Variants in PARD3 observed in about 807,000 individuals in gnomAD.
PARD3 encodes the protein par-3 family cell polarity regulator, also known as partitioning defective 3 homolog.
In PARD3, 75 loss-of-function variants were observed where a neutral mutation model predicts 155.4. The observed-to-expected ratio is 0.48, with a 90% CI of 0.40 to 0.58. PARD3 has a LOEUF of 0.58. PARD3 is among the 20% of genes least tolerant of loss of function. PARD3 has a pLI of 0.00. For synonymous variants in PARD3, 576 were observed against 610.5 expected, an observed-to-expected ratio of 0.94 and a Z score of 0.83; for missense variants, 1,642 against 1,721.7, an observed-to-expected ratio of 0.95 and a Z score of 0.82.
chr10:34,795,840 G>A (rs929455067), intron 1 of PARD3, among the ~76,000 whole-genome samples: 1 of 152,052 alleles, frequency 6.6e-6, no homozygotes, highest in African/African-American at 2.4e-5. Context: ...GTTGTAGTGA[G>A]CTGAGATCGT....
At chr10:34,786,312 C>T (rs947244080) in intron 1 of PARD3, among the ~76,000 whole-genome samples, 2 of 152,202 alleles carry the variant, frequency 1.3e-5, no homozygotes, top group African/African-American at 4.8e-5. Flanking sequence ...AATGACTCTT[C>T]CTATCAAGTA....
chr10:34,559,776 A>C (rs7897763), intron 2 of PARD3, among the ~76,000 whole-genome samples: 6,426 of 152,210 alleles, frequency 0.042, 394 homozygotes, highest in African/African-American at 0.14. Context: ...ATATAATTTG[A>C]CCTTACCTAC....
rs368509578 is a variant in PARD3, at chr10:34,721,034, T to C, written c.121-24615A>G. Among the ~76,000 whole-genome samples, 4 of 152,270 alleles carry C rather than the reference T, an allele frequency of 2.6e-5. No individual in the cohort carries two copies. In the East Asian group the frequency reaches 5.8e-4, roughly 22 times the overall value. ...GATTAGAGGATACTTGGCAGAACAATGAGCTGCATTATTCCAGAAAGGCAA... is the reference window on the plus strand; with the variant it reads ...GATTAGAGGATACTTGGCAGAACAACGAGCTGCATTATTCCAGAAAGGCAA... On this transcript the variant is annotated intron_variant, in intron 1 of 24. Transcript: ENST00000374788.
chr10:34,753,071 G>A (rs939848077), intron 1 of PARD3, among the ~76,000 whole-genome samples: 1 of 152,198 alleles, frequency 6.6e-6, no homozygotes, highest in African/African-American at 2.4e-5. Flanking sequence ...AGTCATCTCA[G>A]CCTGTTGTTT....
At chr10:34,269,126 C>G (rs1955488054) in intron 22 of PARD3, among the ~76,000 whole-genome samples, 1 of 152,110 alleles carries the variant, frequency 6.6e-6, no homozygotes, top group Admixed American at 6.6e-5. Flanking sequence ...GTGTGCTACA[C>G]TGATATACAT....
intron 1 of PARD3, among the ~76,000 whole-genome samples, chr10:34,756,475 TA>T (rs1836756361): frequency 7.2e-5 from 6 of 83,768 alleles, no homozygotes; most frequent in Admixed American, 2.8e-4. Context: ...TTTTTTTTCT[TA>T]TAAAAAAAAA....
chr10:34,369,299 GATTTATTT>G (rs762236370), intron 12 of PARD3, among the ~76,000 whole-genome samples: 1 of 134,756 alleles, frequency 7.4e-6, no homozygotes, highest in Non-Finnish European at 1.5e-5. Context: ...AGATTTTTGT[GATTTATTT>G]ATTTATTTGT....
chr10:34,596,208 A>C (rs1246592263), intron 2 of PARD3, among the ~76,000 whole-genome samples: 1 of 151,766 alleles, frequency 6.6e-6, no homozygotes, highest in Non-Finnish European at 1.5e-5. Context: ...CAAGTTTGTA[A>C]GCAATATCCA....
At chr10:34,663,109 T>A (rs1255486434) in intron 2 of PARD3, among the ~76,000 whole-genome samples, 2 of 152,044 alleles carry the variant, frequency 1.3e-5, no homozygotes, top group Non-Finnish European at 2.9e-5. Flanking sequence ...GAATAAGAAC[T>A]AATATTTCCT....
intron 2 of PARD3, among the ~76,000 whole-genome samples, chr10:34,654,125 ATGGGGACTAG>A (rs2093097561): frequency 6.6e-6 from 1 of 151,998 alleles, no homozygotes; most frequent in African/African-American, 2.4e-5. Context: ...CATGGTTCTA[ATGGGGACTAG>A]GTGTAGATAA....
At chr10:34,422,323 TA>T (rs2075357331) in intron 5 of PARD3, among the ~76,000 whole-genome samples, 1 of 152,070 alleles carries the variant, frequency 6.6e-6, no homozygotes, top group Non-Finnish European at 1.5e-5. Context: ...TGTTTAAGAA[TA>T]ACGTATATAA....
chr10:34,592,304 C>T (rs2088780956), intron 2 of PARD3, among the ~76,000 whole-genome samples: 1 of 152,190 alleles, frequency 6.6e-6, no homozygotes. Context: ...CTTTAAATCA[C>T]CTGGGACACT....
In PARD3 at chr10:34,384,135, A is replaced by G; in HGVS notation, c.1010T>C (p.Phe337Ser). The change falls in exon 8 of 25, where the codon TTT becomes TCT. Residue 337 changes from phenylalanine (F) to serine (S), a missense_variant. Transcript: ENST00000374788. ...INDGDLRNRRFEQAQHMFRQA... is the reference protein window; with the variant it reads ...INDGDLRNRRSEQAQHMFRQA... ...GCAGCGAGCACACACTTACTGTTCAAATCTTCTATTTCGAAGGTCGCCATC... is the reference window on the plus strand; with the variant it reads ...GCAGCGAGCACACACTTACTGTTCAGATCTTCTATTTCGAAGGTCGCCATC... 6.2e-7 allele frequency: 1 copy of G among 1,613,730 alleles called. No individual in the cohort carries two copies. Among genetic ancestry groups the G allele is most frequent in the Non-Finnish European group, 8.5e-7 (1 of 1,179,930 alleles).
At chr10:34,519,146 G>A (rs945676117) in intron 2 of PARD3, among the ~76,000 whole-genome samples, 4 of 152,162 alleles carry the variant, frequency 2.6e-5, no homozygotes, top group African/African-American at 7.2e-5. Context: ...CAAGGAGAAC[G>A]AGGAAATTGT....
chr10:34,481,650 T>C (rs774001), intron 3 of PARD3, among the ~76,000 whole-genome samples: 78,287 of 152,002 alleles, frequency 0.52, 23,774 homozygotes, highest in African/African-American at 0.86. Context: ...TTTGGTGTCC[T>C]TATTTTGCTA....
intron 2 of PARD3, among the ~76,000 whole-genome samples, chr10:34,611,807 C>CTTTTTTTTTTTTT (rs397829689): frequency 9.2e-6 from 1 of 109,236 alleles, no homozygotes. Flanking sequence ...ACATTTCTTT[C>CTTTTTTTTTTTTT]TTTTTTTTTT....
intron 22 of PARD3, among the ~76,000 whole-genome samples, chr10:34,152,648 T>C (rs1948831143): frequency 6.6e-6 from 1 of 152,220 alleles, no homozygotes; most frequent in South Asian, 2.1e-4. Context: ...ATCTCTATCA[T>C]GGCATCTAAT....
intron 2 of PARD3, among the ~76,000 whole-genome samples, chr10:34,647,858 T>C (rs1267556900): frequency 3.3e-5 from 5 of 152,230 alleles, no homozygotes; most frequent in Non-Finnish European, 7.3e-5. Context: ...CTTTGTATTG[T>C]TTGAAGCTAG....
intron 2 of PARD3, among the ~76,000 whole-genome samples, chr10:34,569,985 G>C (rs941560509): frequency 2.6e-5 from 4 of 150,990 alleles, no homozygotes; most frequent in African/African-American, 4.9e-5. Context: ...CAATGTTATC[G>C]TAAGACTTTT....
Sources: allele counts gnomAD v4.1 joint callset (sites outside exome capture counted in the v4.1 genomes callset), GRCh38; gene constraint gnomAD v4.1.1; transcripts MANE v1.5; gene names NCBI Gene and HGNC (gene_info 2026-07-23, HGNC 2026-07-21).